Variants in ZMAT4 observed in about 807,000 individuals in gnomAD.
The protein encoded by ZMAT4 is zinc finger matrin-type protein 4.
Under a neutral mutation model 28.7 loss-of-function variants are expected in ZMAT4, and 17 were observed. The observed-to-expected ratio is 0.59, with a 90% CI of 0.41 to 0.89. ZMAT4 has a LOEUF of 0.89. Among genes scored for constraint, ZMAT4 ranks in the 40% least tolerant of loss-of-function variants. The pLI, the probability that ZMAT4 is intolerant of heterozygous loss-of-function variation, is 0.00. For synonymous variants in ZMAT4, 117 were observed against 109.2 expected (o/e 1.07, Z -0.44); for missense variants, 240 against 283.8 (o/e 0.85, Z 1.11).
At chr8:40,649,753 A>G (rs1807542765) in intron 5 of ZMAT4, among the ~76,000 whole-genome samples, 2 of 152,134 alleles carry the variant, frequency 1.3e-5, no homozygotes, top group Non-Finnish European at 2.9e-5. Flanking sequence ...ATCAAACTAG[A>G]ACTCAGGATT....
At position 40,643,094 on chromosome 8, in the gene ZMAT4, G is replaced by A. The variant is rs149853971; in HGVS notation, c.577+31610C>T. Among the ~76,000 whole-genome samples, 421 of 152,198 alleles carry A rather than the reference G, an allele frequency of 2.8e-3. 3 individuals are homozygous for A. Among genetic ancestry groups the A allele is most frequent in the African/African-American group, 9.1e-3 (379 of 41,546 alleles). On this transcript the variant is annotated intron_variant, in intron 5 of 6. Transcript: ENST00000297737. ...ATGAGGTGCAGGTGTAAATTCCTTCGCAGCTTTAGAATTCCTGTACATTTC... is the reference window on the plus strand; with the variant it reads ...ATGAGGTGCAGGTGTAAATTCCTTCACAGCTTTAGAATTCCTGTACATTTC...
At chr8:40,639,170 A>T (rs1187241055) in intron 5 of ZMAT4, among the ~76,000 whole-genome samples, 1 of 152,250 alleles carries the variant, frequency 6.6e-6, no homozygotes, top group Non-Finnish European at 1.5e-5. Context: ...ACTCTTCAGA[A>T]GGAATTCTTG....
chr8:40,698,122 C>T (rs1809978469), intron 3 of ZMAT4, among the ~76,000 whole-genome samples: 1 of 152,080 alleles, frequency 6.6e-6, no homozygotes, highest in East Asian at 1.9e-4. Context: ...TCATAATTAA[C>T]TCGATTCTGT....
chr8:40,612,811 G>T (rs2599690), intron 5 of ZMAT4, among the ~76,000 whole-genome samples: 12,249 of 86,116 alleles, frequency 0.14, 2,676 homozygotes, highest in Non-Finnish European at 0.24. Flanking sequence ...TTTGGTTTTT[G>T]TTTTTTTTTT....
In ZMAT4 at chr8:40,758,778, T is replaced by A. The variant is rs184683628; in HGVS notation, c.192+8863A>T. Among the ~76,000 whole-genome samples the A allele has an allele frequency of 3.4e-3, 512 of 152,210 alleles. 4 individuals carry two copies. Among genetic ancestry groups the A allele is most frequent in the Non-Finnish European group, 4.3e-3 (295 of 68,022 alleles). On this transcript the variant is annotated intron_variant, in intron 3 of 6. Transcript: ENST00000297737. Reference sequence around the variant, plus strand: ...GTGACAGTGCTCCCTAGCATAAGCGTGCAGCAAAGCAGAGACACAGACTTG... The same window carrying A: ...GTGACAGTGCTCCCTAGCATAAGCGAGCAGCAAAGCAGAGACACAGACTTG...
intron 1 of ZMAT4, among the ~76,000 whole-genome samples, chr8:40,865,606 G>A (rs1817648927): frequency 6.6e-6 from 1 of 152,128 alleles, no homozygotes; most frequent in Admixed American, 6.5e-5. Flanking sequence ...TGAAATACAC[G>A]GTCTGCTCTC....
chr8:40,687,428 G>A (rs1809463249), intron 4 of ZMAT4, among the ~76,000 whole-genome samples: 1 of 152,108 alleles, frequency 6.6e-6, no homozygotes. Context: ...GGGGGAGGGA[G>A]AGATATTGGG....
intron 1 of ZMAT4, among the ~76,000 whole-genome samples, chr8:40,840,851 A>G (rs1344417645): frequency 6.6e-6 from 1 of 152,162 alleles, no homozygotes; most frequent in Non-Finnish European, 1.5e-5. Context: ...TCTGACTTGA[A>G]CCGATGATTC....
At chr8:40,595,043 A>G (rs1805041546) in intron 5 of ZMAT4, among the ~76,000 whole-genome samples, 1 of 152,212 alleles carries the variant, frequency 6.6e-6, no homozygotes. Context: ...TAAATGGGTA[A>G]TTAGTTAAGT....
chr8:40,554,074 T>G lies in ZMAT4; in HGVS notation c.675-21836A>C, dbSNP rs546774045. ...TGTCATATCATATCATATCATAGCATATCAAAGTCACCACAGTCTGGTTTT... is the reference window on the plus strand; with the variant it reads ...TGTCATATCATATCATATCATAGCAGATCAAAGTCACCACAGTCTGGTTTT... On this transcript the variant is annotated intron_variant, in intron 6 of 6. Coordinates refer to ENST00000297737, the MANE Select transcript of ZMAT4 (RefSeq NM_024645.3). 2.0e-5 allele frequency among the ~76,000 whole-genome samples: 3 copies of G among 152,304 alleles called. No individual in the cohort carries two copies. In the South Asian group the frequency reaches 6.2e-4, roughly 32 times the overall value.
At chr8:40,683,837 G>A (rs1417375810) in intron 4 of ZMAT4, among the ~76,000 whole-genome samples, 3 of 152,070 alleles carry the variant, frequency 2.0e-5, no homozygotes, top group Non-Finnish European at 4.4e-5. Context: ...GGCTGAAATG[G>A]GTGGATCACT....
intron 2 of ZMAT4, among the ~76,000 whole-genome samples, chr8:40,820,606 ATGTGTG>A (rs1404255143): frequency 3.5e-4 from 11 of 31,150 alleles, no homozygotes; most frequent in Admixed American, 2.3e-4. Flanking sequence ...GTGGGAGTGC[ATGTGTG>A]TGTATGTGTG....
At chr8:40,691,239 C>T (rs748981692) in intron 4 of ZMAT4, among the ~76,000 whole-genome samples, 1 of 152,112 alleles carries the variant, frequency 6.6e-6, no homozygotes, top group Non-Finnish European at 1.5e-5. Flanking sequence ...GGCACTGTAA[C>T]TCATGTCTGA....
intron 2 of ZMAT4, among the ~76,000 whole-genome samples, chr8:40,819,422 G>A (rs558942835): frequency 1.3e-5 from 2 of 152,064 alleles, no homozygotes; most frequent in South Asian, 2.1e-4. Flanking sequence ...AGACACCTAG[G>A]CCTTCATCAA....
intron 3 of ZMAT4, 116 bp from the exon 4 acceptor site, chr8:40,697,517 GTC>G: frequency 3.1e-6 from 3 of 982,126 alleles, no homozygotes; most frequent in Non-Finnish European, 4.0e-6. Context: ...TCTGCAAGCT[GTC>G]TCTCTCTCTT....
intron 5 of ZMAT4, among the ~76,000 whole-genome samples, chr8:40,596,339 C>T (rs563639541): frequency 2.0e-5 from 3 of 152,296 alleles, no homozygotes; most frequent in Non-Finnish European, 4.4e-5. Context: ...AAATCAACTT[C>T]AGCTTACTTT....
Position 40,581,183 on chromosome 8 carries a change from C to T in ZMAT4, c.656G>A (p.Gly219Glu). 2 of 1,613,092 alleles carry T rather than the reference C, an allele frequency of 1.2e-6. No individual in the cohort carries two copies. The highest frequency in any genetic ancestry group is 1.7e-6 in the Non-Finnish European group (2 of 1,179,346). Reference sequence around the variant, plus strand: ...TACCTACTTGGTCTGGTGTTTAGATCCTTTCAGATGGGCATGATACTGTTC... The same window carrying T: ...TACCTACTTGGTCTGGTGTTTAGATTCTTTCAGATGGGCATGATACTGTTC... ...SIEQYHAHLK[G>E]SKHQTNLKNK The change falls in exon 6 of 7, where the codon GGA becomes GAA. Residue 219 changes from glycine (G) to glutamate (E), a missense_variant. Physicochemically the swap from Gly to Glu is moderately conservative, Grantham distance 98. Transcript: ENST00000297737.
At chr8:40,810,549 C>T (rs1300387352) in intron 2 of ZMAT4, among the ~76,000 whole-genome samples, 1 of 152,026 alleles carries the variant, frequency 6.6e-6, no homozygotes, top group East Asian at 1.9e-4. Flanking sequence ...GGATTTCTAC[C>T]TTATGCAATA....
At chr8:40,737,942 G>T (rs539215676) in intron 3 of ZMAT4, among the ~76,000 whole-genome samples, 4 of 152,142 alleles carry the variant, frequency 2.6e-5, no homozygotes, top group African/African-American at 7.2e-5. Flanking sequence ...TAATATGACT[G>T]CCATTGTTCT....
Sources: allele counts gnomAD v4.1 joint callset (sites outside exome capture counted in the v4.1 genomes callset), GRCh38; gene constraint gnomAD v4.1.1; transcripts MANE v1.5; gene names NCBI Gene and HGNC (gene_info 2026-07-23, HGNC 2026-07-21).